Variants in LUZP2 observed in about 807,000 individuals in gnomAD.
LUZP2 encodes leucine zipper protein 2.
Under a neutral mutation model 51.6 loss-of-function variants are expected in LUZP2, and 52 were observed. The observed-to-expected ratio is 1.01, with a 90% CI of 0.81 to 1.27. The LOEUF (loss-of-function observed/expected upper bound fraction) is 1.27, where lower values mean the gene tolerates loss of function less well. LUZP2 is among the 50% of genes most tolerant of loss of function. The probability of loss-of-function intolerance (pLI) is 0.00; values close to 1 mark genes in which losing one functional copy is unlikely to be tolerated. For missense variants in LUZP2, 436 were observed against 395.4 expected (o/e 1.10, Z -0.87); for synonymous variants, 154 against 137.3 (o/e 1.12, Z -0.85).
intron 5 of LUZP2, among the ~76,000 whole-genome samples, chr11:24,887,791 C>T (rs975220745): frequency 1.7e-4 from 26 of 152,142 alleles, no homozygotes; most frequent in African/African-American, 5.8e-4. Context: ...ATTTTCTAGT[C>T]ATTTGAAAAA....
At chr11:24,589,232 T>C (rs987800482) in intron 1 of LUZP2, among the ~76,000 whole-genome samples, 9 of 152,108 alleles carry the variant, frequency 5.9e-5, no homozygotes, top group Non-Finnish European at 1.2e-4. Flanking sequence ...TTTTGAGATC[T>C]CAGTCGTGCC....
At chr11:25,026,708 A>G (rs1857502634) in intron 9 of LUZP2, among the ~76,000 whole-genome samples, 1 of 152,078 alleles carries the variant, frequency 6.6e-6, no homozygotes, top group Non-Finnish European at 1.5e-5. Context: ...GGTTGCTATG[A>G]TACAGTGTAC....
intron 8 of LUZP2, among the ~76,000 whole-genome samples, chr11:24,982,637 T>A (rs1299453155): frequency 6.6e-6 from 1 of 151,318 alleles, no homozygotes; most frequent in Non-Finnish European, 1.5e-5. Flanking sequence ...AAGAGTAGAG[T>A]GGAGTAGAAA....
rs765806731 is a variant in LUZP2, at chr11:24,900,380, AT to A, written c.397-5606del. The stretch of plus-strand genomic sequence containing the variant: ...TTGAATGTCTAGGTGAGCTCTAGTA[AT>A]TTTTCACCTTGCAGTTCTTTTCTGG... On this transcript the variant is annotated intron_variant, in intron 5 of 11. Coordinates refer to ENST00000336930, the MANE Select transcript of LUZP2 (RefSeq NM_001009909.4). 8.4e-4 allele frequency among the ~76,000 whole-genome samples: 128 copies of A among 151,950 alleles called. 1 individual carries two copies. In the East Asian group the frequency reaches 0.017, roughly 20 times the overall value.
At chr11:24,838,083 G>T (rs1409844755) in intron 5 of LUZP2, among the ~76,000 whole-genome samples, 1 of 123,398 alleles carries the variant, frequency 8.1e-6, no homozygotes, top group Non-Finnish European at 1.7e-5. Context: ...TTAATATGTG[G>T]TCCAACTAAG....
At chr11:24,588,642 C>CAA (rs1565010425) in intron 1 of LUZP2, among the ~76,000 whole-genome samples, 1 of 151,360 alleles carries the variant, frequency 6.6e-6, no homozygotes, top group Non-Finnish European at 1.5e-5. Context: ...TAATTTTTTC[C>CAA]CAAAAAGATT....
Position 25,078,852 on chromosome 11 carries a change from A to G in LUZP2, c.*194A>G. The G allele has an allele frequency of 2.0e-6, 1 of 508,978 alleles. No homozygotes were observed. Among genetic ancestry groups the G allele is most frequent in the Non-Finnish European group, 3.4e-6 (1 of 293,360 alleles). The allele number at this position is 508,978 out of a possible 1,614,324, so 31.5% of individuals were successfully genotyped here. Reference sequence around the variant, plus strand: ...CTTAAGCAATAACCTCATTGAATTGAATACCCACAGTCAGAAATATTTTGT... The same window carrying G: ...CTTAAGCAATAACCTCATTGAATTGGATACCCACAGTCAGAAATATTTTGT... On this transcript the variant is annotated 3_prime_UTR_variant, in exon 12 of 12. Coordinates refer to ENST00000336930, the MANE Select transcript of LUZP2 (RefSeq NM_001009909.4).
chr11:24,853,677 G>T (rs1851463426), intron 5 of LUZP2, among the ~76,000 whole-genome samples: 1 of 152,100 alleles, frequency 6.6e-6, no homozygotes, highest in South Asian at 2.1e-4. Flanking sequence ...GCAAGGAGTT[G>T]TGATCCTTTG....
At chr11:25,017,731 G>A (rs1320258267) in intron 9 of LUZP2, among the ~76,000 whole-genome samples, 8 of 151,938 alleles carry the variant, frequency 5.3e-5, no homozygotes, top group African/African-American at 1.9e-4. Context: ...TTGTTGTTAT[G>A]TGTTTTGCTT....
intron 1 of LUZP2, among the ~76,000 whole-genome samples, chr11:24,555,715 C>A (rs1851847529): frequency 6.6e-6 from 1 of 152,162 alleles, no homozygotes; most frequent in Non-Finnish European, 1.5e-5. Context: ...GTGGCTTATG[C>A]CTGTAATCCC....
intron 5 of LUZP2, among the ~76,000 whole-genome samples, chr11:24,777,439 G>A (rs1295892481): frequency 2.0e-5 from 3 of 152,098 alleles, no homozygotes; most frequent in African/African-American, 7.2e-5. Context: ...TTTCATGATG[G>A]ACAGAGAAGA....
chr11:24,798,996 C>G (rs1564907714), intron 5 of LUZP2, among the ~76,000 whole-genome samples: 1 of 152,116 alleles, frequency 6.6e-6, no homozygotes, highest in Non-Finnish European at 1.5e-5. Context: ...ACAAAATTTA[C>G]AAGCTCAGTT....
chr11:24,667,184 C>CTTTTTTTTTTTTTTTT (rs199740839), intron 1 of LUZP2, among the ~76,000 whole-genome samples: 2 of 132,056 alleles, frequency 1.5e-5, no homozygotes, highest in Non-Finnish European at 3.2e-5. Flanking sequence ...TTCTTTTTTT[C>CTTTTTTTTTTTTTTTT]TTTTTTTTTT....
intron 5 of LUZP2, among the ~76,000 whole-genome samples, chr11:24,859,730 C>T (rs946199977): frequency 3.3e-5 from 5 of 152,190 alleles, no homozygotes; most frequent in Non-Finnish European, 5.9e-5. Flanking sequence ...AGCCCACCTG[C>T]GAGCCACAAG....
chr11:24,605,070 C>T (rs1853870137), intron 1 of LUZP2, among the ~76,000 whole-genome samples: 1 of 151,604 alleles, frequency 6.6e-6, no homozygotes, highest in African/African-American at 2.4e-5. Flanking sequence ...ATCCCCAAAA[C>T]CAGCCTCTAA....
intron 7 of LUZP2, among the ~76,000 whole-genome samples, chr11:24,930,037 A>C (rs1229209752): frequency 6.6e-6 from 1 of 152,188 alleles, no homozygotes; most frequent in Non-Finnish European, 1.5e-5. Context: ...TGTCTGATAT[A>C]AGAATAGCTA....
chr11:24,609,448 T>G (rs1854042539), intron 1 of LUZP2, among the ~76,000 whole-genome samples: 1 of 151,840 alleles, frequency 6.6e-6, no homozygotes, highest in Admixed American at 6.6e-5. Context: ...AATAAAAGGC[T>G]GGGGCGGTGG....
At chr11:25,046,654 G>T (rs769476050) in intron 9 of LUZP2, among the ~76,000 whole-genome samples, 2 of 152,114 alleles carry the variant, frequency 1.3e-5, no homozygotes, top group Non-Finnish European at 2.9e-5. Context: ...CTGATGTTTG[G>T]ATCGGTGATT....
intron 1 of LUZP2, among the ~76,000 whole-genome samples, chr11:24,712,175 C>A: frequency 6.6e-6 from 1 of 152,134 alleles, no homozygotes; most frequent in East Asian, 1.9e-4. Flanking sequence ...AATCCCAGCA[C>A]TTTGGGAGAT....
Sources: allele counts gnomAD v4.1 joint callset (sites outside exome capture counted in the v4.1 genomes callset), GRCh38; gene constraint gnomAD v4.1.1; transcripts MANE v1.5; gene names NCBI Gene and HGNC (gene_info 2026-07-23, HGNC 2026-07-21).